AGBL4: variants seen among roughly 807,000 people sequenced by gnomAD.
AGBL4 encodes the protein cytosolic carboxypeptidase 6.
A neutral mutation model predicts 66.4 loss-of-function variants in AGBL4; 58 were observed. The observed-to-expected ratio is 0.87, with a 90% CI of 0.71 to 1.09. AGBL4 has a LOEUF of 1.09. Ranked by LOEUF, AGBL4 falls within the 50% of genes least tolerant of loss-of-function variation. AGBL4 has a pLI of 0.00. For missense variants in AGBL4, 579 were observed against 631.0 expected (o/e 0.92, Z 0.88); for synonymous variants, 234 against 222.9 (o/e 1.05, Z -0.44).
intron 5 of AGBL4, among the ~76,000 whole-genome samples, chr1:48,894,623 T>TAA (rs917422680): frequency 2.0e-5 from 3 of 147,376 alleles, no homozygotes; most frequent in Admixed American, 1.4e-4. Context: ...TAGTATATAG[T>TAA]AAAAAAAAAA....
intron 3 of AGBL4, among the ~76,000 whole-genome samples, chr1:49,305,695 C>CT (rs34572464): frequency 0.54 from 78,675 of 146,120 alleles, 21,569 homozygotes; most frequent in Non-Finnish European, 0.62. Context: ...TTAATCATTC[C>CT]TTTTTTTTTT....
intron 1 of AGBL4, among the ~76,000 whole-genome samples, chr1:50,013,481 G>A (rs1344744916): frequency 6.6e-6 from 1 of 152,122 alleles, no homozygotes; most frequent in Non-Finnish European, 1.5e-5. Flanking sequence ...CCCACAATTT[G>A]ATAAACCTAA....
At chr1:49,363,811 T>C (rs1419382845) in intron 3 of AGBL4, among the ~76,000 whole-genome samples, 1 of 152,246 alleles carries the variant, frequency 6.6e-6, no homozygotes, top group Non-Finnish European at 1.5e-5. Flanking sequence ...GTACTCATTA[T>C]GTACCAGGCA....
chr1:48,695,203 A>G (rs1646695591), intron 6 of AGBL4, among the ~76,000 whole-genome samples: 1 of 152,200 alleles, frequency 6.6e-6, no homozygotes, highest in African/African-American at 2.4e-5. Flanking sequence ...ATTCCCCTGC[A>G]TTTGCAGAGA....
intron 12 of AGBL4, among the ~76,000 whole-genome samples, chr1:48,536,943 G>T (rs1643981528): frequency 6.6e-6 from 1 of 152,212 alleles, no homozygotes; most frequent in Non-Finnish European, 1.5e-5. Flanking sequence ...CCTATCTGAA[G>T]GGTGTCCCAG....
chr1:49,896,714 T>A (rs116472293), intron 1 of AGBL4, among the ~76,000 whole-genome samples: 278 of 149,322 alleles, frequency 1.9e-3, no homozygotes, highest in Non-Finnish European at 2.5e-3. Flanking sequence ...AAAAAAATAC[T>A]AGCAATCCAA....
chr1:49,671,418 G>C (rs1646473910), intron 3 of AGBL4, among the ~76,000 whole-genome samples: 1 of 152,038 alleles, frequency 6.6e-6, no homozygotes, highest in Non-Finnish European at 1.5e-5. Context: ...CTGGACGTGG[G>C]AACGGGCAAA....
In AGBL4 at chr1:49,040,141, A is replaced by AC. The variant is rs543775124; in HGVS notation, c.594+5442dup. On this transcript the variant is annotated intron_variant, in intron 5 of 13. Transcript: ENST00000371839. ...AAGAACTCTTAAAACTCTTATGAGA[A>AC]CCCAGTTTTAAAAATGGGCAAATGA... Among the ~76,000 whole-genome samples the AC allele has an allele frequency of 3.9e-3, 598 of 152,194 alleles. 8 individuals are homozygous for AC. The highest frequency in any genetic ancestry group is 3.8e-3 in the Non-Finnish European group (258 of 67,938).
At chr1:49,371,224 G>GATAT (rs1396341671) in intron 3 of AGBL4, among the ~76,000 whole-genome samples, 5 of 122,440 alleles carry the variant, frequency 4.1e-5, no homozygotes, top group African/African-American at 1.1e-4. Flanking sequence ...TAGATAGATA[G>GATAT]ATATATAGAT....
At chr1:49,336,469 C>T (rs1645439390) in intron 3 of AGBL4, among the ~76,000 whole-genome samples, 1 of 152,166 alleles carries the variant, frequency 6.6e-6, no homozygotes. Context: ...TGATGTTTAA[C>T]CAAATATCTG....
intron 1 of AGBL4, among the ~76,000 whole-genome samples, chr1:49,997,903 A>T (rs925159790): frequency 2.6e-5 from 4 of 152,164 alleles, no homozygotes; most frequent in Non-Finnish European, 4.4e-5. Flanking sequence ...TCCAAAAGGA[A>T]CCCTCAAAAA....
At chr1:49,524,422 C>A (rs1053736024) in intron 3 of AGBL4, among the ~76,000 whole-genome samples, 1 of 152,070 alleles carries the variant, frequency 6.6e-6, no homozygotes, top group Non-Finnish European at 1.5e-5. Flanking sequence ...AATTACTCTG[C>A]AATGTCCAGC....
At chr1:49,197,225 T>G in intron 4 of AGBL4, among the ~76,000 whole-genome samples, 1 of 152,196 alleles carries the variant, frequency 6.6e-6, no homozygotes, top group Non-Finnish European at 1.5e-5. Context: ...ATAGCTTTAC[T>G]GTGGTGGCTT....
At position 49,363,819 on chromosome 1, in the gene AGBL4, G is replaced by T. The variant is rs1039390985; in HGVS notation, c.283-117955C>A. 6.6e-5 allele frequency among the ~76,000 whole-genome samples: 10 copies of T among 152,242 alleles called. No individual in the cohort carries two copies. The South Asian group carries it at 1.0e-3, about 16-fold the overall frequency. The stretch of plus-strand genomic sequence containing the variant: ...ATATAGAGTACTCATTATGTACCAG[G>T]CACTCTGCTATGTACTAGGGATAAA... On this transcript the variant is annotated intron_variant, in intron 3 of 13. Coordinates refer to ENST00000371839, the MANE Select transcript of AGBL4 (RefSeq NM_032785.4).
intron 1 of AGBL4, among the ~76,000 whole-genome samples, chr1:49,897,347 C>A (rs918033600): frequency 2.6e-5 from 4 of 151,844 alleles, no homozygotes; most frequent in Non-Finnish European, 5.9e-5. Context: ...AAACTAATCC[C>A]ATATACAATA....
intron 2 of AGBL4, among the ~76,000 whole-genome samples, chr1:49,807,765 A>G (rs1379782994): frequency 6.6e-6 from 1 of 152,196 alleles, no homozygotes; most frequent in Non-Finnish European, 1.5e-5. Context: ...GTTGAGACCT[A>G]ATCACTAATT....
chr1:49,982,514 G>A (rs1659138652), intron 1 of AGBL4, among the ~76,000 whole-genome samples: 1 of 152,206 alleles, frequency 6.6e-6, no homozygotes, highest in African/African-American at 2.4e-5. Flanking sequence ...TGAAGAGCCT[G>A]GGCACCATGA....
chr1:48,934,046 G>A (rs561462673), intron 5 of AGBL4, among the ~76,000 whole-genome samples: 3 of 152,156 alleles, frequency 2.0e-5, no homozygotes, highest in Non-Finnish European at 4.4e-5. Context: ...GCCTATTTTG[G>A]TAAGTGCCTC....
intron 5 of AGBL4, among the ~76,000 whole-genome samples, chr1:48,899,663 A>G (rs932644210): frequency 6.6e-6 from 1 of 151,798 alleles, no homozygotes; most frequent in Non-Finnish European, 1.5e-5. Context: ...CAGGCCTGCT[A>G]CAAGTCCTAG....
Sources: gnomAD v4.1 joint callset for allele counts (sites outside exome capture counted in the v4.1 genomes callset) on GRCh38, gnomAD v4.1.1 for gene constraint, MANE v1.5 for transcripts, NCBI Gene and HGNC (gene_info 2026-07-23, HGNC 2026-07-21) for gene names.